Variants in TRIM35 observed in about 807,000 individuals in gnomAD.
The protein encoded by TRIM35 is tripartite motif containing 35.
Under a neutral mutation model 49.1 loss-of-function variants are expected in TRIM35, and 37 were observed. That is an observed-to-expected ratio of 0.75 (90% CI 0.58 to 0.99). TRIM35 has a LOEUF of 0.99. TRIM35 is among the 50% of genes least tolerant of loss of function. The pLI is 0.00. For synonymous variants in TRIM35, 302 were observed against 289.3 expected (o/e 1.04, Z -0.45); for missense variants, 648 against 702.7 (o/e 0.92, Z 0.88).
At chr8:27,295,218 C>T (rs10098988) in intron 2 of TRIM35, among the ~76,000 whole-genome samples, 1,912 of 152,292 alleles carry the variant, frequency 0.013, 38 homozygotes, top group African/African-American at 0.041. Context: ...GAAAGACATT[C>T]CTCGGCACAG....
Position 27,294,286 on chromosome 8 carries a change from G to A in TRIM35, c.556C>T (p.Arg186Trp), listed in dbSNP as rs185776694. 36 of 1,613,738 alleles carry A rather than the reference G, an allele frequency of 2.2e-5. No homozygotes were observed. Among genetic ancestry groups the A allele is most frequent in the Non-Finnish European group, 2.8e-5 (33 of 1,180,024 alleles). The change falls in exon 3 of 6, where the codon CGG becomes TGG. Residue 186 changes from arginine to tryptophan, a missense_variant. Physicochemically the swap from Arg to Trp is moderately radical, Grantham distance 101 (BLOSUM62 -3). Coordinates refer to ENST00000305364, the MANE Select transcript of TRIM35 (RefSeq NM_171982.5). ...AGCTTATCAAACTCCTGCCGGATCC[G>A]GCCTTCCAGCCATGCAGCCTCCACC... ...NQVEAAWLEGRIRQEFDKLRE... is the reference protein window; with the variant it reads ...NQVEAAWLEGWIRQEFDKLRE...
intron 1 of TRIM35, among the ~76,000 whole-genome samples, chr8:27,301,256 T>TTAAG (rs1406234349): frequency 6.6e-6 from 1 of 152,218 alleles, no homozygotes; most frequent in Non-Finnish European, 1.5e-5. Context: ...CCCTATAAGG[T>TTAAG]TAAGCACTGT....
At chr8:27,294,435 T>A in intron 2 of TRIM35, 125 bp from the exon 3 acceptor site, 1 of 890,932 alleles carries the variant, frequency 1.1e-6, no homozygotes, top group Non-Finnish European at 1.7e-6. Flanking sequence ...CCCCTACAGA[T>A]AAAATATCAA....
In TRIM35 at chr8:27,289,298, G is replaced by A. The variant is rs752557595; in HGVS notation, c.786-18C>T. ...AGAAGAGTCTGGAAAAGTACAATGG[G>A]TATGGTGGGCAGGGCCAGAGCCATG... is the stretch of plus-strand genomic sequence containing the variant. On this transcript the variant is annotated intron_variant, in intron 4 of 5. Transcript: ENST00000305364. 6.9e-6 allele frequency: 11 copies of A among 1,605,676 alleles called. 1 individual carries two copies. In the Middle Eastern group the frequency reaches 6.6e-4, roughly 96 times the overall value.
intron 1 of TRIM35, among the ~76,000 whole-genome samples, chr8:27,308,267 G>A (rs1380966675): frequency 3.3e-5 from 5 of 152,220 alleles, no homozygotes; most frequent in Admixed American, 6.5e-5. Context: ...CTGAAAATAC[G>A]TTTTTGTGAG....
At position 27,311,015 on chromosome 8, in the gene TRIM35, G is replaced by A; in HGVS notation, c.221C>T (p.Thr74Ile). The change falls in exon 1 of 6, where the codon ACC becomes ATC. Residue 74 changes from threonine to isoleucine, a missense_variant. Transcript: ENST00000305364. The stretch of plus-strand genomic sequence containing the variant: ...CAGCTTCTCCACCAGGTTGTTGAGG[G>A]TGTGGTTGGTGCGCAGGTCGGCGGG... ...ASPADLRTNHTLNNLVEKLLR... is the reference protein window; with the variant it reads ...ASPADLRTNHILNNLVEKLLR... The A allele has an allele frequency of 1.2e-6, 2 of 1,610,262 alleles. No homozygotes were observed. Among genetic ancestry groups the A allele is most frequent in the Middle Eastern group, 3.3e-4 (2 of 6,044 alleles).
At chr8:27,309,817 T>C (rs1802870342) in intron 1 of TRIM35, among the ~76,000 whole-genome samples, 1 of 148,862 alleles carries the variant, frequency 6.7e-6, no homozygotes, top group Admixed American at 6.7e-5. Context: ...ACCCTGCCTC[T>C]ACTAGAAATT....
In TRIM35 at chr8:27,286,063, G is replaced by T. The variant is rs1049303877; in HGVS notation, c.*1487C>A. On this transcript the variant is annotated 3_prime_UTR_variant, in exon 6 of 6. Transcript: ENST00000305364. ...TGATTTGTTTAAAATGTCAGCTTTTGTGAACTGAAGGGGATGGGCAGAAGG... is the reference window on the plus strand; with the variant it reads ...TGATTTGTTTAAAATGTCAGCTTTTTTGAACTGAAGGGGATGGGCAGAAGG... 5.3e-5 allele frequency: 24 copies of T among 455,382 alleles called. No homozygotes were observed. The highest frequency in any genetic ancestry group is 2.4e-5 in the Admixed American group (1 of 42,394). 28.2% of individuals were successfully genotyped at this position (455,382 alleles called of 1,614,324 possible).
chr8:27,294,046 C>T (rs763098140), intron 3 of TRIM35, 34 bp downstream of exon 3: 4 of 1,600,266 alleles, frequency 2.5e-6, no homozygotes, highest in Middle Eastern at 1.7e-4. Context: ...GAACATGTGG[C>T]CCTGTCACTG....
At position 27,288,094 on chromosome 8, in the gene TRIM35, C is replaced by A; in HGVS notation, c.938G>T (p.Gly313Val). ...GAGGTCGTCAGACACGGAGAGCCAG[C>A]CAGCTGCGGTGTTGGGGTCAAAGCT... ...PFSFDPNTAAGWLSVSDDLTS... is the reference protein window; with the variant it reads ...PFSFDPNTAAVWLSVSDDLTS... The change falls in exon 6 of 6, where the codon GGC becomes GTC. Residue 313 changes from glycine to valine, a missense_variant. Coordinates refer to ENST00000305364, the MANE Select transcript of TRIM35 (RefSeq NM_171982.5). 6.2e-7 allele frequency: 1 copy of A among 1,610,092 alleles called. No homozygotes were observed. Among genetic ancestry groups the A allele is most frequent in the Non-Finnish European group, 8.5e-7 (1 of 1,179,848 alleles).
At position 27,310,942 on chromosome 8, in the gene TRIM35, CGA is replaced by C; in HGVS notation, c.292_293del (p.Ser98AlafsTer72). 1.2e-6 allele frequency: 2 copies of C among 1,612,660 alleles called. No individual in the cohort carries two copies. The highest frequency in any genetic ancestry group is 1.7e-6 in the Non-Finnish European group (2 of 1,179,746). ...GTCCGCGGTGCAGGCGGCAGACACGCGAGAAGCGGTAGCTGGTCCAGCGCGCG... is the reference window on the plus strand; with the variant it reads ...GTCCGCGGTGCAGGCGGCAGACACGCGAAGCGGTAGCTGGTCCAGCGCGCG... Reference protein sequence around the residue: ...EGARWTSYRFSRVCRLHRGQL... With the variant: ...EGARWTSYRFXRVCRLHRGQL... On this transcript the variant is annotated frameshift_variant, in exon 1 of 6. Coordinates refer to ENST00000305364, the MANE Select transcript of TRIM35 (RefSeq NM_171982.5). LOFTEE classifies it high-confidence loss of function.
At chr8:27,292,052 A>G (rs1802466801) in intron 3 of TRIM35, among the ~76,000 whole-genome samples, 1 of 152,258 alleles carries the variant, frequency 6.6e-6, no homozygotes, top group South Asian at 2.1e-4. Flanking sequence ...TTTAAACCAC[A>G]GCAACCACCA....
rs767204567 is a variant in TRIM35, at chr8:27,294,236, C to T, written c.606G>A (p.Glu202=). ...DKLREFLRVE[E]QAILDAMAEE... is the part of the protein sequence containing the mutation. The stretch of plus-strand genomic sequence containing the variant: ...CGGCCATGGCATCCAGAATGGCCTG[C>T]TCCTCCACTCTCAAGAACTCGCGAA... The change falls in exon 3 of 6, where the codon GAG becomes GAA. Residue 202 remains glutamate (E), a synonymous_variant. Transcript: ENST00000305364. 3 of 1,614,214 alleles carry T rather than the reference C, an allele frequency of 1.9e-6. No individual in the cohort carries two copies. The African/African-American group carries it at 4.0e-5, about 22-fold the overall frequency.
chr8:27,309,213 G>A (rs974274619), intron 1 of TRIM35, among the ~76,000 whole-genome samples: 6 of 152,086 alleles, frequency 3.9e-5, no homozygotes, highest in African/African-American at 1.4e-4. Flanking sequence ...TCAGCACCTC[G>A]GCCAGCCAAA....
intron 1 of TRIM35, among the ~76,000 whole-genome samples, chr8:27,301,932 C>T (rs1279459321): frequency 1.3e-5 from 2 of 152,168 alleles, no homozygotes; most frequent in African/African-American, 2.4e-5. Flanking sequence ...TTTAAAAAGA[C>T]CATTACTGCC....
At chr8:27,302,216 T>C (rs937878493) in intron 1 of TRIM35, among the ~76,000 whole-genome samples, 1 of 152,214 alleles carries the variant, frequency 6.6e-6, no homozygotes, top group African/African-American at 2.4e-5. Flanking sequence ...ATTGTCTCTA[T>C]AGATCAATTT....
chr8:27,295,439 T>C (rs1439843978), intron 2 of TRIM35, among the ~76,000 whole-genome samples: 6 of 152,148 alleles, frequency 3.9e-5, no homozygotes, highest in Admixed American at 1.3e-4. Context: ...GCTCCTCAAG[T>C]TATGATGGGG....
chr8:27,287,519 T>C lies in TRIM35; in HGVS notation c.*31A>G. On this transcript the variant is annotated 3_prime_UTR_variant, in exon 6 of 6. Coordinates refer to ENST00000305364, the MANE Select transcript of TRIM35 (RefSeq NM_171982.5). The surrounding 1 kb of genome is among the most constrained non-coding windows in gnomAD (Gnocchi z 6.0). Reference sequence around the variant, plus strand: ...AGAGGGCAGAAAGAAAACAGTGCTGTGGCACAAGACCGGGGCAGCCCCGGG... The same window carrying C: ...AGAGGGCAGAAAGAAAACAGTGCTGCGGCACAAGACCGGGGCAGCCCCGGG... 2 of 1,514,334 alleles carry C rather than the reference T, an allele frequency of 1.3e-6. No homozygotes were observed. Among genetic ancestry groups the C allele is most frequent in the Non-Finnish European group, 1.8e-6 (2 of 1,128,796 alleles). 93.8% of individuals were successfully genotyped at this position (1,514,334 alleles called of 1,614,324 possible).
chr8:27,289,096 G>A, intron 5 of TRIM35, 66 bp downstream of exon 5: 1 of 1,349,204 alleles, frequency 7.4e-7, no homozygotes, highest in Non-Finnish European at 1.1e-6. Context: ...ACCAGCCCTG[G>A]TGCCTCTTTG....
Sources: gnomAD v4.1 joint callset for allele counts (sites outside exome capture counted in the v4.1 genomes callset) on GRCh38, gnomAD v4.1.1 for gene constraint, Gnocchi (gnomAD v3.1) non-coding constraint, MANE v1.5 for transcripts, NCBI Gene and HGNC (gene_info 2026-07-23, HGNC 2026-07-21) for gene names.